CSN1S1: variants seen among roughly 807,000 people sequenced by gnomAD.
The protein encoded by CSN1S1 is casein alpha s1.
Under a neutral mutation model 49.1 loss-of-function variants are expected in CSN1S1, and 63 were observed. The ratio of observed to expected loss-of-function variants is 1.28; its 90% CI spans 1.05 to 1.58. The LOEUF is 1.58. Among genes scored for constraint, CSN1S1 ranks in the 40% most tolerant of loss-of-function variants. CSN1S1 has a pLI of 0.00. For synonymous variants in CSN1S1, 78 were observed against 67.1 expected, an observed-to-expected ratio of 1.16 and a Z score of -0.79; for missense variants, 260 against 224.7, an observed-to-expected ratio of 1.16 and a Z score of -1.01.
At position 69,936,616 on chromosome 4, in the gene CSN1S1, G is replaced by T. The variant is rs762851306; in HGVS notation, c.195+9G>T. 8 of 1,599,502 alleles carry T rather than the reference G, an allele frequency of 5.0e-6. No individual in the cohort carries two copies. The highest frequency in any genetic ancestry group is 6.8e-6 in the Non-Finnish European group (8 of 1,172,582). Reference sequence around the variant, plus strand: ...AGACTGATGAAATCAAGGTACCAAAGTTTTTCTTGAAAGAGTATGGCAAAA... The same window carrying T: ...AGACTGATGAAATCAAGGTACCAAATTTTTTCTTGAAAGAGTATGGCAAAA... On this transcript the variant is annotated intron_variant, in intron 7 of 15. Coordinates refer to ENST00000246891, the MANE Select transcript of CSN1S1 (RefSeq NM_001890.2).
chr4:69,932,512 T>G (rs1560384851), intron 1 of CSN1S1, 32 bp from the exon 2 acceptor site: 1 of 1,548,062 alleles, frequency 6.5e-7, no homozygotes, highest in South Asian at 1.2e-5. Flanking sequence ...CGTAATAATA[T>G]CTAACTCTTT....
chr4:69,931,349 G>T (rs1432836204), intron 1 of CSN1S1, among the ~76,000 whole-genome samples: 1 of 151,840 alleles, frequency 6.6e-6, no homozygotes, highest in East Asian at 1.9e-4. Flanking sequence ...TGATAATTTT[G>T]TAACTAAAAT....
rs532727135 is a variant in CSN1S1 at position 69,938,365 on chromosome 4, A to C, written c.243+542A>C. Among the ~76,000 whole-genome samples, 384 of 151,806 alleles carry C rather than the reference A, an allele frequency of 2.5e-3. 2 individuals are homozygous for C. The highest frequency in any genetic ancestry group is 0.014 in the South Asian group (66 of 4,814). On this transcript the variant is annotated intron_variant, in intron 9 of 15. Coordinates refer to ENST00000246891, the MANE Select transcript of CSN1S1 (RefSeq NM_001890.2). ...GGCAATACTATTAGGTTGGTGCAAA[A>C]GTAATTGCAGTTTTTACAGCGTAAT...
chr4:69,939,588 T>C (rs190055004), intron 10 of CSN1S1, among the ~76,000 whole-genome samples: 1 of 151,890 alleles, frequency 6.6e-6, no homozygotes, highest in East Asian at 1.9e-4. Flanking sequence ...TAACCAATTC[T>C]AGATTAATCA....
At chr4:69,932,909 A>G (rs1722653635) in intron 2 of CSN1S1, among the ~76,000 whole-genome samples, 1 of 152,062 alleles carries the variant, frequency 6.6e-6, no homozygotes, top group Admixed American at 6.6e-5. Context: ...AATAAATAGC[A>G]ACAAACAATG....
intron 4 of CSN1S1, 86 bp downstream of exon 4, chr4:69,934,796 T>G (rs2109714170): frequency 1.7e-6 from 2 of 1,181,186 alleles, no homozygotes; most frequent in South Asian, 1.3e-5. Flanking sequence ...TGTCTTCTTC[T>G]TTACAATTTT....
At chr4:69,935,389 A>G (rs1722742315) in intron 4 of CSN1S1, among the ~76,000 whole-genome samples, 1 of 144,394 alleles carries the variant, frequency 6.9e-6, no homozygotes, top group African/African-American at 2.5e-5. Context: ...AAAAATTTTG[A>G]AAAAAAAAAA....
chr4:69,936,929 A>G (rs1041813943), intron 7 of CSN1S1, among the ~76,000 whole-genome samples, 192 bp from the exon 8 acceptor site: 1 of 151,996 alleles, frequency 6.6e-6, no homozygotes. Flanking sequence ...ATGAAGTAAT[A>G]CAATATCTGG....
At chr4:69,932,134 T>G (rs1425052945) in intron 1 of CSN1S1, among the ~76,000 whole-genome samples, 5 of 151,918 alleles carry the variant, frequency 3.3e-5, no homozygotes, top group Non-Finnish European at 7.4e-5. Context: ...CAGTTCTCAG[T>G]GGATTTAACT....
In CSN1S1 at chr4:69,936,625, GAA is replaced by G; in HGVS notation, c.195+20_195+21del. 1.9e-6 allele frequency: 3 copies of G among 1,593,460 alleles called. No homozygotes were observed. Among genetic ancestry groups the G allele is most frequent in the South Asian group, 2.3e-5 (2 of 87,716 alleles). On this transcript the variant is annotated intron_variant, in intron 7 of 15. Transcript: ENST00000246891. ...AAATCAAGGTACCAAAGTTTTTCTT[GAA>G]AGAGTATGGCAAAAGTATATATTCT...
chr4:69,936,971 A>T, intron 7 of CSN1S1, 150 bp from the exon 8 acceptor site: 1 of 652,748 alleles, frequency 1.5e-6, no homozygotes, highest in Non-Finnish European at 2.6e-6. Context: ...ATACTCAATT[A>T]TTTTCTTTAA....
intron 11 of CSN1S1, among the ~76,000 whole-genome samples, chr4:69,940,791 G>A (rs927984055): frequency 9.2e-5 from 14 of 151,760 alleles, no homozygotes; most frequent in African/African-American, 3.4e-4. Flanking sequence ...ATTTATATCA[G>A]ACAGAATTAT....
intron 13 of CSN1S1, 110 bp from the exon 14 acceptor site, chr4:69,942,426 C>A: frequency 1.1e-6 from 1 of 904,826 alleles, no homozygotes; most frequent in Non-Finnish European, 1.7e-6. Context: ...AGAATACAGT[C>A]TATTCTAAAT....
intron 9 of CSN1S1, among the ~76,000 whole-genome samples, 178 bp from the exon 10 acceptor site, chr4:69,938,998 T>G (rs1722892238): frequency 6.6e-6 from 1 of 151,740 alleles, no homozygotes; most frequent in Non-Finnish European, 1.5e-5. Context: ...CCACCATAAT[T>G]TTTCAAGTAA....
In CSN1S1 at chr4:69,934,674, T is replaced by A. The variant is rs763305802; in HGVS notation, c.85-16T>A. 2 of 1,601,202 alleles carry A rather than the reference T, an allele frequency of 1.2e-6. No homozygotes were observed. Among genetic ancestry groups the A allele is most frequent in the Non-Finnish European group, 1.7e-6 (2 of 1,169,412 alleles). ...CAATTGGAATAATACCATTTAAAAA[T>A]TATTATTTTTTACAGAATCCATCAG... On this transcript the variant is annotated splice_polypyrimidine_tract_variant and intron_variant, in intron 3 of 15. Transcript: ENST00000246891.
intron 1 of CSN1S1, among the ~76,000 whole-genome samples, chr4:69,932,089 G>A (rs1323278130): frequency 2.6e-5 from 4 of 151,806 alleles, no homozygotes; most frequent in Admixed American, 6.6e-5. Flanking sequence ...TAAAAGAGAA[G>A]CTCATTTTCA....
chr4:69,939,001 T>C (rs1560388471), intron 9 of CSN1S1, among the ~76,000 whole-genome samples, 175 bp from the exon 10 acceptor site: 2 of 151,796 alleles, frequency 1.3e-5, no homozygotes, highest in African/African-American at 4.8e-5. Context: ...CCATAATTTT[T>C]CAAGTAAAAT....
At position 69,946,204 on chromosome 4, in the gene CSN1S1, G is replaced by T; in HGVS notation, c.*8G>T. The T allele has an allele frequency of 3.7e-6, 2 of 545,294 alleles. No individual in the cohort carries two copies. The highest frequency in any genetic ancestry group is 3.3e-5 in the Admixed American group (1 of 30,678). The allele number at this position is 545,294 out of a possible 1,614,324, so 33.8% of individuals were successfully genotyped here. On this transcript the variant is annotated 3_prime_UTR_variant, in exon 16 of 16. Transcript: ENST00000246891. ...TCTATTTCTATTTACAGATATGATT[G>T]AAAATTTCATTCTCTGAATTTCTCC...
At chr4:69,936,849 A>C (rs1048334992) in intron 7 of CSN1S1, among the ~76,000 whole-genome samples, 7 of 151,958 alleles carry the variant, frequency 4.6e-5, no homozygotes, top group Non-Finnish European at 8.8e-5. Context: ...ATAACAAATA[A>C]ACAAATAAAT....
Sources: gnomAD v4.1 joint callset for allele counts (sites outside exome capture counted in the v4.1 genomes callset) on GRCh38, gnomAD v4.1.1 for gene constraint, MANE v1.5 for transcripts, NCBI Gene and HGNC (gene_info 2026-07-23, HGNC 2026-07-21) for gene names.